GMDS: variants seen among roughly 807,000 people sequenced by gnomAD.
The protein encoded by GMDS is GDP-mannose 4,6-dehydratase.
GMDS carries 20 observed loss-of-function variants against 49.9 expected under a neutral mutation model. The ratio of observed to expected loss-of-function variants is 0.40; its 90% CI spans 0.28 to 0.58. The LOEUF is 0.58. GMDS is among the 20% of genes least tolerant of loss of function. GMDS has a pLI of 0.42. For missense variants in GMDS, 362 were observed against 481.4 expected (o/e 0.75, Z 2.32); for synonymous variants, 177 against 178.6 (o/e 0.99, Z 0.07).
intron 4 of GMDS, among the ~76,000 whole-genome samples, chr6:2,098,145 C>T (rs1156510345): frequency 2.0e-5 from 3 of 152,232 alleles, no homozygotes; most frequent in Middle Eastern, 3.4e-3. Context: ...CTGCAACCTC[C>T]GTCTCCCAGG....
chr6:1,898,030 GGACACCTACCCTGGCCTCCCTT>G (rs1760299644), intron 7 of GMDS, among the ~76,000 whole-genome samples: 1 of 108,078 alleles, frequency 9.3e-6, no homozygotes, highest in Admixed American at 9.6e-5. Flanking sequence ...TTGCCATCCT[GGACACCTACCCTGGCCTCCCTT>G]GCCATCCTGG....
chr6:1,933,814 G>A (rs886913231), intron 6 of GMDS, among the ~76,000 whole-genome samples: 3 of 152,132 alleles, frequency 2.0e-5, no homozygotes, highest in Non-Finnish European at 4.4e-5. Flanking sequence ...CTCTCATTCT[G>A]TAGGCTGACT....
intron 7 of GMDS, among the ~76,000 whole-genome samples, chr6:1,862,224 G>A (rs947161515): frequency 1.3e-5 from 2 of 152,140 alleles, no homozygotes; most frequent in Non-Finnish European, 2.9e-5. Flanking sequence ...GATGACTTAA[G>A]CTCATTTATT....
intron 4 of GMDS, among the ~76,000 whole-genome samples, chr6:2,019,002 C>T (rs1447650893): frequency 6.6e-6 from 1 of 152,020 alleles, no homozygotes; most frequent in African/African-American, 2.4e-5. Context: ...ACGCTTGGTA[C>T]TGTCTTTTTT....
At chr6:1,747,507 C>CAG (rs1767555559) in intron 7 of GMDS, among the ~76,000 whole-genome samples, 1 of 150,784 alleles carries the variant, frequency 6.6e-6, no homozygotes, top group Non-Finnish European at 1.5e-5. Flanking sequence ...CACACACACA[C>CAG]ACTTATGTAT....
intron 7 of GMDS, among the ~76,000 whole-genome samples, chr6:1,781,076 G>C (rs1769061948): frequency 1.3e-5 from 2 of 152,118 alleles, no homozygotes; most frequent in South Asian, 4.2e-4. Context: ...CCTTAAGTGG[G>C]AAAACACGAT....
chr6:1,738,038 CACACACCACAT>C (rs1174812908), intron 8 of GMDS, among the ~76,000 whole-genome samples: 1 of 142,958 alleles, frequency 7.0e-6, no homozygotes, highest in African/African-American at 2.6e-5. Context: ...ACACCACACA[CACACACCACAT>C]ACACCACACA....
In GMDS at chr6:1,930,219, C is replaced by G; in HGVS notation, c.655G>C (p.Val219Leu). Residue 219 changes from valine (V) to leucine (L), a missense_variant, in exon 7 of 11, where the codon GTT becomes CTT. By Grantham distance (32) the Val-to-Leu change is conservative. Coordinates refer to ENST00000380815, the MANE Select transcript of GMDS (RefSeq NM_001500.4). ...HESPRRGANF[V>L]TRKISRSVAK... ...ACTGACCGGCTAATTTTTCGAGTAA[C>G]GAAATTAGCTCCTAAAAAGAGGCAA... 6.2e-7 allele frequency: 1 copy of G among 1,612,256 alleles called. No homozygotes were observed. The highest frequency in any genetic ancestry group is 1.3e-5 in the African/African-American group (1 of 74,966).
chr6:1,962,359 T>A (rs756001616), intron 4 of GMDS, among the ~76,000 whole-genome samples: 53 of 152,358 alleles, frequency 3.5e-4, no homozygotes, highest in Non-Finnish European at 6.8e-4. Flanking sequence ...AGGTGGTTTT[T>A]AGTGACTGGC....
At chr6:1,630,421 G>C (rs1271277786) in intron 9 of GMDS, among the ~76,000 whole-genome samples, 1 of 152,236 alleles carries the variant, frequency 6.6e-6, no homozygotes, top group African/African-American at 2.4e-5. Context: ...CTTTGACTGG[G>C]ACAGAGGAGC....
intron 9 of GMDS, among the ~76,000 whole-genome samples, chr6:1,681,084 C>T (rs1484612846): frequency 1.3e-5 from 2 of 152,058 alleles, no homozygotes; most frequent in African/African-American, 4.8e-5. Flanking sequence ...CACACAAGTG[C>T]ACAACACACT....
chr6:2,106,542 T>C (rs116084801), intron 4 of GMDS, among the ~76,000 whole-genome samples: 1,762 of 152,278 alleles, frequency 0.012, 33 homozygotes, highest in African/African-American at 0.041. Context: ...TTCACCTTAA[T>C]TTATGTAAAT....
chr6:2,238,133 T>C (rs1246527983), intron 1 of GMDS, among the ~76,000 whole-genome samples: 1 of 151,584 alleles, frequency 6.6e-6, no homozygotes, highest in Non-Finnish European at 1.5e-5. Context: ...CACACCTGTA[T>C]TATCAGCACT....
chr6:2,009,138 T>C (rs1235106586), intron 4 of GMDS, among the ~76,000 whole-genome samples: 1 of 152,220 alleles, frequency 6.6e-6, no homozygotes, highest in African/African-American at 2.4e-5. Context: ...CCAGTCACAT[T>C]TGGGAACACA....
At chr6:2,012,176 T>C (rs962862204) in intron 4 of GMDS, among the ~76,000 whole-genome samples, 1 of 152,090 alleles carries the variant, frequency 6.6e-6, no homozygotes, top group Non-Finnish European at 1.5e-5. Context: ...ATTTGGGTGA[T>C]GATTACACTA....
chr6:2,090,939 A>G (rs1230855470), intron 4 of GMDS, among the ~76,000 whole-genome samples: 1 of 152,230 alleles, frequency 6.6e-6, no homozygotes, highest in Non-Finnish European at 1.5e-5. Context: ...AGCTTTTATA[A>G]AAGCACACTT....
intron 1 of GMDS, among the ~76,000 whole-genome samples, chr6:2,167,558 A>G (rs1777728993): frequency 6.6e-6 from 1 of 152,128 alleles, no homozygotes; most frequent in South Asian, 2.1e-4. Context: ...GGTCCCCCAT[A>G]AACCTTAATT....
intron 7 of GMDS, among the ~76,000 whole-genome samples, chr6:1,800,852 C>T (rs1326495999): frequency 6.6e-6 from 1 of 152,190 alleles, no homozygotes; most frequent in Non-Finnish European, 1.5e-5. Context: ...CATCTGAAAG[C>T]ACAGAGGTGG....
intron 4 of GMDS, among the ~76,000 whole-genome samples, chr6:2,087,261 C>T (rs1308068984): frequency 6.6e-6 from 1 of 152,192 alleles, no homozygotes; most frequent in Admixed American, 6.5e-5. Flanking sequence ...AACCAATAGT[C>T]AGTTCTTACA....
Sources: allele counts gnomAD v4.1 joint callset (sites outside exome capture counted in the v4.1 genomes callset), GRCh38; gene constraint gnomAD v4.1.1; transcripts MANE v1.5; gene names NCBI Gene and HGNC (gene_info 2026-07-23, HGNC 2026-07-21).